The following CSMD1 variants were observed in gnomAD, a reference collection of about 807,000 sequenced individuals.
CSMD1 encodes CUB and sushi domain-containing protein 1.
In CSMD1, 213 loss-of-function variants were observed where a neutral mutation model predicts 417.5. The observed-to-expected ratio is 0.51, with a 90% CI of 0.46 to 0.57. CSMD1 has a LOEUF of 0.57. Among genes scored for constraint, CSMD1 ranks in the 20% least tolerant of loss-of-function variants. The pLI, the probability that CSMD1 is intolerant of heterozygous loss-of-function variation, is 0.00. For missense variants in CSMD1, 6,923 were observed against 4,529.7 expected (o/e 1.53, Z -15.17); for synonymous variants, 2,862 against 1,736.8 (o/e 1.65, Z -16.11).
intron 26 of CSMD1, among the ~76,000 whole-genome samples, chr8:3,236,145 C>T (rs1352604967): frequency 6.6e-6 from 1 of 152,082 alleles, no homozygotes; most frequent in Non-Finnish European, 1.5e-5. Context: ...GTCTCGATCT[C>T]TTAACCTTGT....
At chr8:3,307,633 G>T (rs553867536) in intron 25 of CSMD1, 62 bp downstream of exon 25, 9 of 1,531,452 alleles carry the variant, frequency 5.9e-6, no homozygotes, top group Non-Finnish European at 8.1e-6. Context: ...CACTATCTCT[G>T]CTACAAGAAT....
intron 7 of CSMD1, among the ~76,000 whole-genome samples, chr8:3,683,898 G>C (rs115580341): frequency 0.014 from 2,162 of 151,848 alleles, 49 homozygotes; most frequent in African/African-American, 0.049. Flanking sequence ...GATGTTTATT[G>C]ATTTCAAAAA....
chr8:4,471,976 T>C (rs1019878069), intron 2 of CSMD1, among the ~76,000 whole-genome samples: 3 of 152,310 alleles, frequency 2.0e-5, no homozygotes, highest in South Asian at 2.1e-4. Context: ...TTCTAAGCGA[T>C]ACGTATTATC....
intron 5 of CSMD1, among the ~76,000 whole-genome samples, chr8:3,888,410 A>AC (rs1162935843): frequency 2.6e-5 from 4 of 152,180 alleles, no homozygotes; most frequent in African/African-American, 9.6e-5. Flanking sequence ...CTATACGGAA[A>AC]CCTTTTTTTA....
At chr8:3,335,148 CTA>C (rs1006042374) in intron 23 of CSMD1, among the ~76,000 whole-genome samples, 1 of 152,144 alleles carries the variant, frequency 6.6e-6, no homozygotes, top group Non-Finnish European at 1.5e-5. Flanking sequence ...TCCTACACCA[CTA>C]TGTTTCTCTC....
intron 39 of CSMD1, 66 bp downstream of exon 39, chr8:3,157,831 G>A (rs1313156299): frequency 4.6e-6 from 6 of 1,295,108 alleles, no homozygotes; most frequent in Middle Eastern, 1.8e-4. Flanking sequence ...TTGACCCCAA[G>A]AGTAGAGCAG....
chr8:3,747,492 CGTTT>C lies in CSMD1; in HGVS notation c.931+6434_931+6437del, dbSNP rs577144689. 1.7e-3 allele frequency among the ~76,000 whole-genome samples: 225 copies of C among 133,434 alleles called. 6 individuals carry two copies. The East Asian group carries it at 0.043, about 26-fold the overall frequency. 87.5% of individuals were successfully genotyped at this position (133,434 alleles called of 152,430 possible). The stretch of plus-strand genomic sequence containing the variant: ...CTGTTTTTCATATAAACAAATCATA[CGTTT>C]GTTTTTTTTCCTTTCATGAAATATT... On this transcript the variant is annotated intron_variant, in intron 6 of 69. Transcript: ENST00000635120.
chr8:3,974,598 C>T (rs1813302068), intron 5 of CSMD1, among the ~76,000 whole-genome samples: 1 of 151,722 alleles, frequency 6.6e-6, no homozygotes, highest in South Asian at 2.1e-4. Flanking sequence ...CTAATAACAA[C>T]CCTTGTTTTT....
In CSMD1 at chr8:4,003,029, C is replaced by G. The variant is rs533777939; in HGVS notation, c.611-4919G>C. On this transcript the variant is annotated intron_variant, in intron 4 of 69. Coordinates refer to ENST00000635120, the MANE Select transcript of CSMD1 (RefSeq NM_033225.6). ...AATAAATGTATAAAAATAAAAACAACACAATAAAAAAATATTTGCAACAAC... is the reference window on the plus strand; with the variant it reads ...AATAAATGTATAAAAATAAAAACAAGACAATAAAAAAATATTTGCAACAAC... Among the ~76,000 whole-genome samples, 3 of 151,920 alleles carry G rather than the reference C, an allele frequency of 2.0e-5. 1 individual carries two copies. In the South Asian group the frequency reaches 6.2e-4, roughly 32 times the overall value.
chr8:4,144,784 A>C (rs1467609209), intron 3 of CSMD1, among the ~76,000 whole-genome samples: 1 of 151,012 alleles, frequency 6.6e-6, no homozygotes, highest in African/African-American at 2.5e-5. Flanking sequence ...TGGATTTACC[A>C]GGTTGTCAGT....
At chr8:4,135,059 A>G (rs755087211) in intron 3 of CSMD1, among the ~76,000 whole-genome samples, 11 of 152,160 alleles carry the variant, frequency 7.2e-5, no homozygotes, top group Non-Finnish European at 1.3e-4. Context: ...AACTCTTAGC[A>G]CAGTGAGTTC....
chr8:3,806,851 C>A (rs2129074932), intron 5 of CSMD1, among the ~76,000 whole-genome samples: 1 of 152,178 alleles, frequency 6.6e-6, no homozygotes, highest in Non-Finnish European at 1.5e-5. Context: ...CTAGCAGACA[C>A]AATGTAATCT....
chr8:3,273,788 T>C (rs1444440556), intron 26 of CSMD1, among the ~76,000 whole-genome samples: 3 of 138,456 alleles, frequency 2.2e-5, no homozygotes, highest in African/African-American at 8.4e-5. Flanking sequence ...ATCCCCTTTA[T>C]CATTTTTATT....
At chr8:4,371,652 G>A (rs183689954) in intron 3 of CSMD1, among the ~76,000 whole-genome samples, 32 of 151,994 alleles carry the variant, frequency 2.1e-4, no homozygotes, top group Admixed American at 1.1e-3. Context: ...TCTTTCTTAC[G>A]TCTTAAAGTT....
At chr8:4,262,759 G>C (rs533927854) in intron 3 of CSMD1, among the ~76,000 whole-genome samples, 1 of 152,040 alleles carries the variant, frequency 6.6e-6, no homozygotes, top group African/African-American at 2.4e-5. Flanking sequence ...TTACTTCCTT[G>C]CAAACTCAGC....
In CSMD1 at chr8:3,870,992, TTCA is replaced by T. The variant is rs1805447156; in HGVS notation, c.819-116953_819-116951del. Among the ~76,000 whole-genome samples the T allele has an allele frequency of 4.6e-5, 6 of 129,200 alleles. No homozygotes were observed. The Admixed American group carries it at 4.8e-4, about 10-fold the overall frequency. The allele number at this position is 129,200 out of a possible 152,430, so 84.8% of individuals were successfully genotyped here. On this transcript the variant is annotated intron_variant, in intron 5 of 69. Transcript: ENST00000635120. ...TTAAATATAAGTTAATTTTTTCTCATTCAATGTGTTATAATTTTTTTAAAAAAA... is the reference window on the plus strand; with the variant it reads ...TTAAATATAAGTTAATTTTTTCTCATATGTGTTATAATTTTTTTAAAAAAA...
At chr8:3,349,916 A>C (rs1241491931) in intron 21 of CSMD1, among the ~76,000 whole-genome samples, 1 of 144,198 alleles carries the variant, frequency 6.9e-6, no homozygotes, top group Non-Finnish European at 1.5e-5. Context: ...ATATATATTT[A>C]TATATTATAT....
At position 4,139,134 on chromosome 8, in the gene CSMD1, G is replaced by A. The variant is rs1253991120; in HGVS notation, c.416-107035C>T. On this transcript the variant is annotated intron_variant, in intron 3 of 69. Transcript: ENST00000635120. ...GAAGACCCCTGTGATTCTAATCCTGGACCCATTTCCTACTGGTTTTATCAC... is the reference window on the plus strand; with the variant it reads ...GAAGACCCCTGTGATTCTAATCCTGAACCCATTTCCTACTGGTTTTATCAC... 2.0e-5 allele frequency among the ~76,000 whole-genome samples: 3 copies of A among 152,044 alleles called. No homozygotes were observed. The East Asian group carries it at 5.8e-4, about 29-fold the overall frequency.
At chr8:3,218,930 A>C (rs1387355133) in intron 29 of CSMD1, among the ~76,000 whole-genome samples, 1 of 152,224 alleles carries the variant, frequency 6.6e-6, no homozygotes, top group Admixed American at 6.5e-5. Context: ...ATCTTGAAGA[A>C]ACAAATTATA....
Sources: allele counts gnomAD v4.1 joint callset (sites outside exome capture counted in the v4.1 genomes callset), GRCh38; gene constraint gnomAD v4.1.1; transcripts MANE v1.5; gene names NCBI Gene and HGNC (gene_info 2026-07-23, HGNC 2026-07-21).